Variants in WWOX observed in about 807,000 individuals in gnomAD.
WWOX encodes WW domain containing oxidoreductase.
WWOX carries 69 observed loss-of-function variants against 46.2 expected under a neutral mutation model. The observed-to-expected ratio is 1.49, with a 90% confidence interval of 1.23 to 1.82. The LOEUF (loss-of-function observed/expected upper bound fraction) is 1.82, where lower values mean the gene tolerates loss of function less well. Among genes scored for constraint, WWOX ranks in the 40% most tolerant of loss-of-function variants. The probability of loss-of-function intolerance (pLI) is 0.00; values close to 1 mark genes in which losing one functional copy is unlikely to be tolerated. For missense variants in WWOX, 919 were observed against 542.6 expected (o/e 1.69, Z -6.89); for synonymous variants, 359 against 202.6 (o/e 1.77, Z -6.56).
At chr16:78,714,093 G>A (rs1234586011) in intron 8 of WWOX, among the ~76,000 whole-genome samples, 1 of 152,200 alleles carries the variant, frequency 6.6e-6, no homozygotes, top group Non-Finnish European at 1.5e-5. Flanking sequence ...AAGCTCTCTT[G>A]TGAAGCCCCT....
chr16:78,637,757 G>A (rs2046609538), intron 8 of WWOX, among the ~76,000 whole-genome samples: 1 of 152,218 alleles, frequency 6.6e-6, no homozygotes, highest in Non-Finnish European at 1.5e-5. Context: ...TGGCAGCTAA[G>A]AGTGTCAAAA....
intron 8 of WWOX, among the ~76,000 whole-genome samples, chr16:78,828,747 C>G (rs1424374592): frequency 6.6e-6 from 1 of 152,068 alleles, no homozygotes; most frequent in Admixed American, 6.5e-5. Context: ...GTCCTCCAAC[C>G]CTATAAAGTG....
At chr16:78,732,045 G>A (rs753172958) in intron 8 of WWOX, among the ~76,000 whole-genome samples, 2 of 151,810 alleles carry the variant, frequency 1.3e-5, no homozygotes, top group Non-Finnish European at 2.9e-5. Context: ...AACACTTTTT[G>A]TAGAGAAAGG....
At chr16:78,830,060 C>T (rs961813662) in intron 8 of WWOX, among the ~76,000 whole-genome samples, 6 of 151,868 alleles carry the variant, frequency 4.0e-5, no homozygotes, top group African/African-American at 7.3e-5. Context: ...GAGTTCAAGA[C>T]CAGCCTGGGT....
At chr16:78,904,642 A>T (rs2044914428) in intron 8 of WWOX, among the ~76,000 whole-genome samples, 1 of 152,052 alleles carries the variant, frequency 6.6e-6, no homozygotes, top group African/African-American at 2.4e-5. Context: ...GTGACCACAT[A>T]ATTTATCATC....
intron 8 of WWOX, among the ~76,000 whole-genome samples, chr16:78,665,311 T>A (rs1432999246): frequency 6.6e-6 from 1 of 152,192 alleles, no homozygotes; most frequent in African/African-American, 2.4e-5. Context: ...TGCATGACAC[T>A]GCCTTACCCA....
intron 8 of WWOX, among the ~76,000 whole-genome samples, chr16:78,606,114 A>T (rs1252456298): frequency 3.9e-5 from 6 of 152,210 alleles, no homozygotes; most frequent in Non-Finnish European, 1.5e-5. Flanking sequence ...TGGCTATCAA[A>T]CTACTAGTCC....
At chr16:79,181,423 A>T (rs1283593078) in intron 8 of WWOX, among the ~76,000 whole-genome samples, 1 of 152,150 alleles carries the variant, frequency 6.6e-6, no homozygotes, top group South Asian at 2.1e-4. Context: ...ATGTTATTAT[A>T]TACTGCTGGT....
At chr16:79,130,836 C>G (rs2049862769) in intron 8 of WWOX, among the ~76,000 whole-genome samples, 1 of 152,168 alleles carries the variant, frequency 6.6e-6, no homozygotes, top group Non-Finnish European at 1.5e-5. Flanking sequence ...TCCATGTTCT[C>G]CGCACAGTGC....
intron 8 of WWOX, among the ~76,000 whole-genome samples, chr16:78,446,778 A>G (rs2083570532): frequency 6.8e-6 from 1 of 146,298 alleles, no homozygotes; most frequent in Non-Finnish European, 1.5e-5. Flanking sequence ...CTCCAGTCTC[A>G]GCCTCCTCAG....
At chr16:78,836,156 A>G (rs556034192) in intron 8 of WWOX, among the ~76,000 whole-genome samples, 5 of 151,934 alleles carry the variant, frequency 3.3e-5, no homozygotes, top group African/African-American at 1.2e-4. Flanking sequence ...GTAAGGGTAT[A>G]ACAGCAGTGG....
At chr16:78,133,527 C>G (rs1446485084) in intron 4 of WWOX, among the ~76,000 whole-genome samples, 1 of 151,912 alleles carries the variant, frequency 6.6e-6, no homozygotes, top group Non-Finnish European at 1.5e-5. Context: ...TCCCAAAGTG[C>G]TGGGATTACA....
intron 8 of WWOX, among the ~76,000 whole-genome samples, chr16:78,539,442 T>G (rs1470879948): frequency 1.3e-5 from 2 of 152,204 alleles, no homozygotes; most frequent in Non-Finnish European, 2.9e-5. Context: ...GAGTAGAATT[T>G]TAAAGAGTGC....
intron 8 of WWOX, among the ~76,000 whole-genome samples, chr16:78,999,013 G>C: frequency 6.6e-6 from 1 of 152,164 alleles, no homozygotes; most frequent in East Asian, 1.9e-4. Flanking sequence ...CCACCTTCTA[G>C]GAACCAAATG....
chr16:78,817,449 A>G (rs1275629448), intron 8 of WWOX, among the ~76,000 whole-genome samples: 1 of 152,170 alleles, frequency 6.6e-6, no homozygotes, highest in Non-Finnish European at 1.5e-5. Context: ...TAAAACTGAA[A>G]GATCTATCGG....
chr16:78,977,251 C>G (rs928365024), intron 8 of WWOX, among the ~76,000 whole-genome samples: 1 of 152,198 alleles, frequency 6.6e-6, no homozygotes, highest in Non-Finnish European at 1.5e-5. Flanking sequence ...AAGGCTGGGC[C>G]TGATGGTGTT....
intron 8 of WWOX, among the ~76,000 whole-genome samples, chr16:78,755,452 ATTAAT>A (rs139086048): frequency 0.028 from 4,296 of 152,214 alleles, 170 homozygotes; most frequent in African/African-American, 0.094. Flanking sequence ...TGTGATACTG[ATTAAT>A]TTAAGGCTGC....
At chr16:78,129,270 C>A (rs1170423105) in intron 4 of WWOX, among the ~76,000 whole-genome samples, 1 of 148,054 alleles carries the variant, frequency 6.8e-6, no homozygotes, top group Non-Finnish European at 1.5e-5. Flanking sequence ...GATTGACTTA[C>A]CCGAGTGTAC....
chr16:78,462,192 A>G (rs1005231194), intron 8 of WWOX, among the ~76,000 whole-genome samples: 2 of 152,136 alleles, frequency 1.3e-5, no homozygotes, highest in African/African-American at 4.8e-5. Flanking sequence ...CAGCGAGGCC[A>G]TTCAGAATCT....
Sources: allele counts gnomAD v4.1 joint callset (sites outside exome capture counted in the v4.1 genomes callset), GRCh38; gene constraint gnomAD v4.1.1; transcripts MANE v1.5; gene names NCBI Gene and HGNC (gene_info 2026-07-23, HGNC 2026-07-21).